Variants in ZAR1L observed in about 807,000 individuals in gnomAD.
The protein encoded by ZAR1L is zygote arrest 1 like, also known as protein ZAR1-like.
Under a neutral mutation model 30.0 loss-of-function variants are expected in ZAR1L, and 16 were observed. The ratio of observed to expected loss-of-function variants is 0.53; its 90% CI spans 0.36 to 0.81. ZAR1L has a LOEUF of 0.81. Among genes scored for constraint, ZAR1L ranks in the 30% least tolerant of loss-of-function variants. The pLI is 0.00. For synonymous variants in ZAR1L, 197 were observed against 166.8 expected, an observed-to-expected ratio of 1.18 and a Z score of -1.40; for missense variants, 392 against 417.2, an observed-to-expected ratio of 0.94 and a Z score of 0.53.
rs2072234992 is a variant in ZAR1L, at chr13:32,314,439, C to G, written c.-278G>C. On this transcript the variant is annotated 5_prime_UTR_variant, in exon 2 of 6. Coordinates refer to ENST00000533490, the MANE Select transcript of ZAR1L (RefSeq NM_001136571.2). ...GAATCCATTTGAAGGTTTTGTAGGT[C>G]TTACAACAAACCCTATTCAGCCTTG... 1.3e-5 allele frequency: 2 copies of G among 152,236 alleles called. No homozygotes were observed. Among genetic ancestry groups the G allele is most frequent in the Non-Finnish European group, 2.9e-5 (2 of 68,044 alleles). 9.4% of individuals were successfully genotyped at this position (152,236 alleles called of 1,614,324 possible).
At chr13:32,307,767 T>C (rs2072186969) in intron 5 of ZAR1L, among the ~76,000 whole-genome samples, 1 of 152,018 alleles carries the variant, frequency 6.6e-6, no homozygotes. Flanking sequence ...AGAGGATGAA[T>C]CACTTATAAG....
chr13:32,304,021 G>T lies in ZAR1L; in HGVS notation c.824C>A (p.Thr275Asn). 1.3e-6 allele frequency: 2 copies of T among 1,550,026 alleles called. No individual in the cohort carries two copies. The highest frequency in any genetic ancestry group is 2.4e-5 in the East Asian group (1 of 40,910). The change falls in exon 6 of 6, where the codon ACC becomes AAC. Residue 275 changes from threonine to asparagine, a missense_variant and splice_region_variant. Coordinates refer to ENST00000533490, the MANE Select transcript of ZAR1L (RefSeq NM_001136571.2). Reference protein sequence around the residue: ...PYRVEAIQCQTCSKSHCSCPQ... With the variant: ...PYRVEAIQCQNCSKSHCSCPQ... Reference sequence around the variant, plus strand: ...ACAGGAACAATGAGACTTTGAGCAGGTCTTTAGGAAACAAAGAAGAGTTTG... The same window carrying T: ...ACAGGAACAATGAGACTTTGAGCAGTTCTTTAGGAAACAAAGAAGAGTTTG...
chr13:32,309,240 C>T (rs2072196842), intron 4 of ZAR1L, among the ~76,000 whole-genome samples: 1 of 152,108 alleles, frequency 6.6e-6, no homozygotes, highest in Admixed American at 6.5e-5. Context: ...GATCTACCCA[C>T]CTCGGCCTCC....
chr13:32,310,864 T>C, intron 3 of ZAR1L, 133 bp from the exon 4 acceptor site: 1 of 675,182 alleles, frequency 1.5e-6, no homozygotes, highest in Non-Finnish European at 2.6e-6. Flanking sequence ...GACTACGGCA[T>C]TGATTCAGTT....
Position 32,306,621 on chromosome 13 carries a change from C to T in ZAR1L, c.822+2065G>A, listed in dbSNP as rs115994955. 5.0e-3 allele frequency among the ~76,000 whole-genome samples: 765 copies of T among 152,174 alleles called. 6 individuals carry two copies. The highest frequency in any genetic ancestry group is 0.017 in the African/African-American group (724 of 41,540). Reference sequence around the variant, plus strand: ...ACCTAGAAATTCTATATATACCCAGCGAAAATATCTCTTAAAAAGATATCC... The same window carrying T: ...ACCTAGAAATTCTATATATACCCAGTGAAAATATCTCTTAAAAAGATATCC... On this transcript the variant is annotated intron_variant, in intron 5 of 5. Transcript: ENST00000533490.
intron 1 of ZAR1L, among the ~76,000 whole-genome samples, chr13:32,314,835 A>G (rs2072238374): frequency 6.6e-6 from 1 of 152,126 alleles, no homozygotes; most frequent in South Asian, 2.1e-4. Context: ...CCGGGCCACA[A>G]GAGCGAAACT....
chr13:32,308,770 A>AAT lies in ZAR1L; in HGVS notation c.748-12_748-11dup. 2 of 1,521,584 alleles carry AAT rather than the reference A, an allele frequency of 1.3e-6. No individual in the cohort carries two copies. Among genetic ancestry groups the AAT allele is most frequent in the East Asian group, 5.0e-5 (2 of 39,664 alleles). 94.3% of individuals were successfully genotyped at this position (1,521,584 alleles called of 1,614,324 possible). A position where few individuals can be genotyped will look rare whatever the true frequency, so the allele number is the denominator to read the frequency against. On this transcript the variant is annotated splice_polypyrimidine_tract_variant and intron_variant, in intron 4 of 5. Coordinates refer to ENST00000533490, the MANE Select transcript of ZAR1L (RefSeq NM_001136571.2). Reference sequence around the variant, plus strand: ...GTTGTTTGAAATAAACCTAAAGAGAAATATGTTTTTTTTTAATACAAGCTT... The same window carrying AAT: ...GTTGTTTGAAATAAACCTAAAGAGAAATATATGTTTTTTTTTAATACAAGCTT...
chr13:32,304,663 CT>C (rs1254186950), intron 5 of ZAR1L, among the ~76,000 whole-genome samples: 1 of 152,288 alleles, frequency 6.6e-6, no homozygotes, highest in East Asian at 1.9e-4. Context: ...AAAATAGTTT[CT>C]TTCAACCATT....
chr13:32,305,612 A>T (rs2072168956), intron 5 of ZAR1L, among the ~76,000 whole-genome samples: 1 of 152,244 alleles, frequency 6.6e-6, no homozygotes, highest in Non-Finnish European at 1.5e-5. Flanking sequence ...ACATGAATTC[A>T]TTTAATTCTC....
chr13:32,307,668 G>A (rs1337144074), intron 5 of ZAR1L, among the ~76,000 whole-genome samples: 1 of 151,560 alleles, frequency 6.6e-6, no homozygotes. Context: ...AAAGAAAAAG[G>A]GGTGGAGAAA....
chr13:32,311,286 T>C lies in ZAR1L; in HGVS notation c.640A>G (p.Arg214Gly). The change falls in exon 3 of 6, where the codon AGG becomes GGG. Residue 214 changes from arginine (R) to glycine (G), a missense_variant. By Grantham distance (125) the Arg-to-Gly change is moderately radical. Coordinates refer to ENST00000533490, the MANE Select transcript of ZAR1L (RefSeq NM_001136571.2). ...PGDAASEPLR[R>G]PNFQFLEPKY... ...AGAGGATCTACCTGGAAGTTGGGCC[T>C]CCGGAGCGGCTCGGAGGCGGCGTCT... 2 of 1,549,572 alleles carry C rather than the reference T, an allele frequency of 1.3e-6. No individual in the cohort carries two copies. The highest frequency in any genetic ancestry group is 1.7e-6 in the Non-Finnish European group (2 of 1,146,168).
chr13:32,308,509 C>G (rs206102), intron 5 of ZAR1L, among the ~76,000 whole-genome samples, 177 bp downstream of exon 5: 57,359 of 152,092 alleles, frequency 0.38, 11,025 homozygotes, highest in East Asian at 0.49. Context: ...TCCCCTCTTT[C>G]CCTTCAAAAA....
At chr13:32,310,617 A>C (rs2072205539) in intron 4 of ZAR1L, 22 bp downstream of exon 4, 1 of 1,499,864 alleles carries the variant, frequency 6.7e-7, no homozygotes, top group African/African-American at 1.4e-5. Context: ...TCCTCCTCTC[A>C]CCTCCTACTC....
intron 2 of ZAR1L, among the ~76,000 whole-genome samples, chr13:32,312,566 A>C (rs1304074554): frequency 6.6e-6 from 1 of 152,170 alleles, no homozygotes; most frequent in Non-Finnish European, 1.5e-5. Flanking sequence ...ATACAATGGA[A>C]TATTATTCAG....
intron 5 of ZAR1L, among the ~76,000 whole-genome samples, chr13:32,305,436 C>G (rs2072167547): frequency 6.6e-6 from 1 of 152,066 alleles, no homozygotes; most frequent in South Asian, 2.1e-4. Flanking sequence ...CCATGTTAGC[C>G]AGGGTGGTAT....
Position 32,303,872 on chromosome 13 carries a change from G to C in ZAR1L, c.*7C>G. The C allele has an allele frequency of 6.4e-7, 1 of 1,551,432 alleles. No individual in the cohort carries two copies. The highest frequency in any genetic ancestry group is 8.7e-7 in the Non-Finnish European group (1 of 1,146,830). The stretch of plus-strand genomic sequence containing the variant: ...TCAGGGGTCCATTACAAGTCACACT[G>C]TACAAGTCACATCACATATTTAAAG... On this transcript the variant is annotated 3_prime_UTR_variant, in exon 6 of 6. Transcript: ENST00000533490.
In ZAR1L at chr13:32,311,530, G is replaced by A. The variant is rs948042374; in HGVS notation, c.396C>T (p.Val132=). ...CCCTGCGGCCGGTGGCGGGCGAAGTGACCCCACAGGCTGGCAGGGGCTCCT... is the reference window on the plus strand; with the variant it reads ...CCCTGCGGCCGGTGGCGGGCGAAGTAACCCCACAGGCTGGCAGGGGCTCCT... The part of the protein sequence containing the change: ...DPQEPLPACG[V]TSPATGRRGL... The change falls in exon 3 of 6, where the codon GTC becomes GTT. Residue 132 remains valine (V), a synonymous_variant. Transcript: ENST00000533490. 11 of 1,536,196 alleles carry A rather than the reference G, an allele frequency of 7.2e-6. No homozygotes were observed. The highest frequency in any genetic ancestry group is 9.6e-6 in the Non-Finnish European group (11 of 1,140,728).
intron 4 of ZAR1L, among the ~76,000 whole-genome samples, chr13:32,310,027 T>A (rs945467237): frequency 8.5e-5 from 13 of 152,238 alleles, no homozygotes; most frequent in Non-Finnish European, 1.9e-4. Context: ...CCACGTAGAC[T>A]GTTGCAAAAC....
At chr13:32,309,446 G>C (rs9526072) in intron 4 of ZAR1L, among the ~76,000 whole-genome samples, 1 of 152,034 alleles carries the variant, frequency 6.6e-6, no homozygotes, top group East Asian at 1.9e-4. Context: ...AGTATTTCCC[G>C]GCTTACACTT....
Sources: gnomAD v4.1 joint callset for allele counts (sites outside exome capture counted in the v4.1 genomes callset) on GRCh38, gnomAD v4.1.1 for gene constraint, MANE v1.5 for transcripts, NCBI Gene and HGNC (gene_info 2026-07-23, HGNC 2026-07-21) for gene names.